Variants in ATP2A2 observed in about 807,000 individuals in gnomAD.
ATP2A2 encodes sarcoplasmic/endoplasmic reticulum calcium ATPase 2.
A neutral mutation model predicts 109.3 loss-of-function variants in ATP2A2; 14 were observed. That is an observed-to-expected ratio of 0.13 (90% CI 0.08 to 0.20). The LOEUF (loss-of-function observed/expected upper bound fraction) is 0.20, where lower values mean the gene tolerates loss of function less well. Among genes scored for constraint, ATP2A2 ranks in the 10% least tolerant of loss-of-function variants. The pLI, the probability that ATP2A2 is intolerant of heterozygous loss-of-function variation, is 1.00. For missense variants in ATP2A2, 657 were observed against 1,321.6 expected (o/e 0.50, Z 7.80); for synonymous variants, 506 against 490.9 (o/e 1.03, Z -0.41).
intron 5 of ATP2A2, among the ~76,000 whole-genome samples, chr12:110,304,928 C>A (rs896953768): frequency 1.4e-4 from 21 of 151,890 alleles, no homozygotes; most frequent in Admixed American, 3.3e-4. Context: ...GCAGGAAAAA[C>A]CACTTTTTTT....
At position 110,336,751 on chromosome 12, in the gene ATP2A2, A is replaced by G. The variant is rs117012384; in HGVS notation, c.1420-2530A>G. Among the ~76,000 whole-genome samples the G allele has an allele frequency of 6.9e-3, 1,054 of 152,322 alleles. 1 individual carries two copies. The highest frequency in any genetic ancestry group is 9.5e-3 in the Non-Finnish European group (645 of 68,038). On this transcript the variant is annotated intron_variant, in intron 11 of 19. Transcript: ENST00000539276. ...TTCCTTTTCAGTAAACTGATGCACA[A>G]TTCACAAATAGCAGTCTCAAAGCCA... is the stretch of plus-strand genomic sequence containing the variant.
In ATP2A2 at chr12:110,346,912, T is replaced by G; in HGVS notation, c.*442T>G. On this transcript the variant is annotated 3_prime_UTR_variant, in exon 20 of 20. Coordinates refer to ENST00000539276, the MANE Select transcript of ATP2A2 (RefSeq NM_170665.4). ...ATCCGGATTTAATTTGATATCACAG[T>G]CTAATTTTTATTCATAAGCCAATTT... 2 of 1,089,712 alleles carry G rather than the reference T, an allele frequency of 1.8e-6. No homozygotes were observed. The highest frequency in any genetic ancestry group is 2.2e-6 in the Non-Finnish European group (2 of 893,844). 67.5% of individuals were successfully genotyped at this position (1,089,712 alleles called of 1,614,324 possible).
chr12:110,304,904 T>A (rs1224831078), intron 5 of ATP2A2, among the ~76,000 whole-genome samples: 2 of 152,134 alleles, frequency 1.3e-5, no homozygotes, highest in Non-Finnish European at 2.9e-5. Flanking sequence ...ATCCCAGCAC[T>A]TTGGGAGGCT....
intron 5 of ATP2A2, among the ~76,000 whole-genome samples, chr12:110,302,825 C>T (rs1041826114): frequency 2.1e-4 from 32 of 152,132 alleles, no homozygotes; most frequent in African/African-American, 7.2e-4. Context: ...TCTCAAACTC[C>T]TGGCCTCGTG....
At position 110,348,531 on chromosome 12, in the gene ATP2A2, C is replaced by T. The variant is rs746615631; in HGVS notation, c.*2061C>T. ...GGTGCTGCTGAGTTCAGAGGGCCCA[C>T]GTTCAAGGGATGGAGGTGGAACCTG... On this transcript the variant is annotated 3_prime_UTR_variant, in exon 20 of 20. Coordinates refer to ENST00000539276, the MANE Select transcript of ATP2A2 (RefSeq NM_170665.4). 3.0e-4 allele frequency: 299 copies of T among 985,510 alleles called. No homozygotes were observed. The highest frequency in any genetic ancestry group is 4.9e-4 in the Admixed American group (8 of 16,282). 61.0% of individuals were successfully genotyped at this position (985,510 alleles called of 1,614,324 possible).
chr12:110,308,154 A>G (rs554492597), intron 5 of ATP2A2, among the ~76,000 whole-genome samples: 1 of 152,306 alleles, frequency 6.6e-6, no homozygotes, highest in Admixed American at 6.5e-5. Context: ...AAGATTTTCT[A>G]TATACAAGAT....
chr12:110,346,317 A>G lies in ATP2A2; in HGVS notation c.2976A>G (p.Glu992=), dbSNP rs1309180507. ...AGTTTGTGGCCCGCAACTACCTGGA[A>G]CCTGGTAAAGAGTGTGTGCAGCCTG... ...TLKFVARNYL[E]PGKECVQPAT... is the part of the protein sequence containing the mutation. Residue 992 remains glutamate, a synonymous_variant, in exon 20 of 20, where the codon GAA becomes GAG. Transcript: ENST00000539276. The G allele has an allele frequency of 1.9e-6, 3 of 1,613,986 alleles. No homozygotes were observed. Among genetic ancestry groups the G allele is most frequent in the Non-Finnish European group, 2.5e-6 (3 of 1,180,032 alleles).
chr12:110,328,461 C>T (rs980375010), intron 8 of ATP2A2, among the ~76,000 whole-genome samples: 3 of 152,048 alleles, frequency 2.0e-5, no homozygotes, highest in Non-Finnish European at 2.9e-5. Flanking sequence ...CCCAGCTACT[C>T]GAGAGGCTGA....
chr12:110,349,948 T>G lies in ATP2A2; in HGVS notation c.*3478T>G. On this transcript the variant is annotated 3_prime_UTR_variant, in exon 20 of 20. Coordinates refer to ENST00000539276, the MANE Select transcript of ATP2A2 (RefSeq NM_170665.4). ...CTGGCTGCTCACTTCTCCATCAACC[T>G]CACCCTCTGCACCACTAACCAAGAC... The G allele has an allele frequency of 8.3e-7, 1 of 1,208,656 alleles. No individual in the cohort carries two copies. The highest frequency in any genetic ancestry group is 1.0e-6 in the Non-Finnish European group (1 of 962,444). The allele number at this position is 1,208,656 out of a possible 1,614,324, so 74.9% of individuals were successfully genotyped here.
At chr12:110,311,247 C>T (rs569003891) in intron 5 of ATP2A2, among the ~76,000 whole-genome samples, 4 of 152,220 alleles carry the variant, frequency 2.6e-5, no homozygotes, top group African/African-American at 9.6e-5. Context: ...TTGGTTGGTT[C>T]GTTTGTTTAT....
At chr12:110,323,117 A>G (rs1442671585) in intron 6 of ATP2A2, 45 bp downstream of exon 6, 1 of 1,436,686 alleles carries the variant, frequency 7.0e-7, no homozygotes. Context: ...AGACCTTCGC[A>G]TATTCCATGC....
At chr12:110,317,522 C>T (rs575815975) in intron 5 of ATP2A2, among the ~76,000 whole-genome samples, 58 of 151,744 alleles carry the variant, frequency 3.8e-4, no homozygotes, top group Admixed American at 9.9e-4. Context: ...CAATTATAGG[C>T]GCCCGCCACC....
chr12:110,305,071 T>A (rs1376714224), intron 5 of ATP2A2, among the ~76,000 whole-genome samples: 4 of 151,970 alleles, frequency 2.6e-5, no homozygotes, highest in Non-Finnish European at 5.9e-5. Context: ...GTAGCTGGGA[T>A]TACAGGTGCA....
chr12:110,282,627 C>A lies in ATP2A2; in HGVS notation c.136+6C>A. On this transcript the variant is annotated splice_donor_region_variant and intron_variant, in intron 2 of 19. Transcript: ENST00000539276. Reference sequence around the variant, plus strand: ...AGAGTTACCGGCTGAAGAAGGTAATCTTAACATGCTGTTTCTGTTTTTTTT... The same window carrying A: ...AGAGTTACCGGCTGAAGAAGGTAATATTAACATGCTGTTTCTGTTTTTTTT... 1 of 1,613,684 alleles carries A rather than the reference C, an allele frequency of 6.2e-7. No individual in the cohort carries two copies. The highest frequency in any genetic ancestry group is 1.7e-5 in the Admixed American group (1 of 59,960).
chr12:110,311,092 G>C (rs1322569185), intron 5 of ATP2A2, among the ~76,000 whole-genome samples: 1 of 152,210 alleles, frequency 6.6e-6, no homozygotes, highest in Admixed American at 6.5e-5. Flanking sequence ...AGTCCATGTG[G>C]ACTTTTTTTT....
At position 110,333,971 on chromosome 12, in the gene ATP2A2, T is replaced by C. The variant is rs567002579; in HGVS notation, c.1288-41T>C. On this transcript the variant is annotated intron_variant, in intron 10 of 19. Coordinates refer to ENST00000539276, the MANE Select transcript of ATP2A2 (RefSeq NM_170665.4). ...ATTAAAGATAAATTTATCTGTGTAC[T>C]TCTCCCTTTTTTCTACTTTCTGTGC... 335 of 1,613,624 alleles carry C rather than the reference T, an allele frequency of 2.1e-4. 1 individual carries two copies. Among genetic ancestry groups the C allele is most frequent in the Admixed American group, 7.5e-4 (45 of 60,018 alleles).
chr12:110,324,828 C>CT (rs1187160769), intron 6 of ATP2A2, among the ~76,000 whole-genome samples: 3,699 of 134,442 alleles, frequency 0.028, 58 homozygotes, highest in African/African-American at 0.036. Flanking sequence ...TAATGAAAAT[C>CT]TTTTTTTTTT....
intron 5 of ATP2A2, among the ~76,000 whole-genome samples, chr12:110,314,475 G>A (rs558876301): frequency 2.6e-5 from 4 of 152,232 alleles, no homozygotes; most frequent in African/African-American, 7.2e-5. Flanking sequence ...GATAACAGAC[G>A]AAGATGTTAA....
chr12:110,349,967 C>T lies in ATP2A2; in HGVS notation c.*3497C>T. ...TCAACCTCACCCTCTGCACCACTAA[C>T]CAAGACCTTGTCCTCTTGCCTGTCT... On this transcript the variant is annotated 3_prime_UTR_variant, in exon 20 of 20. Transcript: ENST00000539276. 1.6e-6 allele frequency: 2 copies of T among 1,267,688 alleles called. No individual in the cohort carries two copies. Among genetic ancestry groups the T allele is most frequent in the South Asian group, 3.4e-5 (2 of 58,932 alleles). The allele number at this position is 1,267,688 out of a possible 1,614,324, so 78.5% of individuals were successfully genotyped here.
Sources: allele counts gnomAD v4.1 joint callset (sites outside exome capture counted in the v4.1 genomes callset), GRCh38; gene constraint gnomAD v4.1.1; transcripts MANE v1.5; gene names NCBI Gene and HGNC (gene_info 2026-07-23, HGNC 2026-07-21).